The following PBX1 variants were observed in gnomAD, a reference collection of about 807,000 sequenced individuals.
PBX1 encodes PBX homeobox 1.
PBX1 carries 6 observed loss-of-function variants against 53.4 expected under a neutral mutation model. The observed-to-expected ratio is 0.11, with a 90% CI of 0.06 to 0.22. The LOEUF (loss-of-function observed/expected upper bound fraction) is 0.22. PBX1 is among the 10% of genes least tolerant of loss of function. The pLI is 1.00. For synonymous variants in PBX1, 204 were observed against 212.3 expected (o/e 0.96, Z 0.34); for missense variants, 251 against 551.4 (o/e 0.46, Z 5.46).
At chr1:164,833,558 A>G (rs540332662) in intron 8 of PBX1, among the ~76,000 whole-genome samples, 26 of 152,242 alleles carry the variant, frequency 1.7e-4, no homozygotes, top group African/African-American at 5.1e-4. Context: ...GACTGTGCCT[A>G]TGTACTACTT....
intron 2 of PBX1, among the ~76,000 whole-genome samples, chr1:164,781,382 A>G (rs1448204239): frequency 6.6e-6 from 1 of 152,150 alleles, no homozygotes; most frequent in East Asian, 1.9e-4. Context: ...CAGGCTGGTT[A>G]GAGTAAAAAC....
intron 3 of PBX1, among the ~76,000 whole-genome samples, chr1:164,793,856 C>CTTTTTTTTTTT: frequency 1.2e-5 from 1 of 84,776 alleles, no homozygotes; most frequent in Non-Finnish European, 2.4e-5. Flanking sequence ...CCTTTCTTTT[C>CTTTTTTTTTTT]TTTTTTTTTT....
At chr1:164,646,363 A>G in intron 2 of PBX1, among the ~76,000 whole-genome samples, 1 of 152,222 alleles carries the variant, frequency 6.6e-6, no homozygotes, top group East Asian at 1.9e-4. Context: ...TTACTGCATA[A>G]CTAGTTTGAT....
chr1:164,674,001 G>A (rs1208310053), intron 2 of PBX1, among the ~76,000 whole-genome samples: 1 of 152,176 alleles, frequency 6.6e-6, no homozygotes, highest in South Asian at 2.1e-4. Context: ...GCACAGAGAT[G>A]AAATGACTAT....
chr1:164,812,992 T>C (rs531720447), intron 6 of PBX1: 7 of 152,290 alleles, frequency 4.6e-5, no homozygotes, highest in African/African-American at 1.7e-4. Context: ...TTGATTAGGG[T>C]GCACAGCTAA....
At chr1:164,756,598 T>A (rs1306286373) in intron 2 of PBX1, among the ~76,000 whole-genome samples, 1 of 152,206 alleles carries the variant, frequency 6.6e-6, no homozygotes, top group Non-Finnish European at 1.5e-5. Flanking sequence ...ATTTTGGTAA[T>A]TCAGAATGGA....
intron 2 of PBX1, among the ~76,000 whole-genome samples, chr1:164,635,017 T>A (rs1658659749): frequency 6.6e-6 from 1 of 150,720 alleles, no homozygotes; most frequent in African/African-American, 2.4e-5. Flanking sequence ...GAATATTCTG[T>A]ACCTTCTTTC....
intron 2 of PBX1, among the ~76,000 whole-genome samples, chr1:164,880,326 C>T (rs908093574): frequency 5.3e-5 from 8 of 152,192 alleles, no homozygotes; most frequent in East Asian, 1.9e-4. Context: ...ATTATCAAAG[C>T]GTTCTTCATT....
chr1:164,597,514 T>A (rs995924595), intron 2 of PBX1, among the ~76,000 whole-genome samples: 1 of 152,180 alleles, frequency 6.6e-6, no homozygotes, highest in African/African-American at 2.4e-5. Context: ...TTGAAATTTG[T>A]TGGCCAAGGA....
chr1:164,881,651 A>G (rs1558058176), intron 2 of PBX1, among the ~76,000 whole-genome samples: 1 of 93,972 alleles, frequency 1.1e-5, no homozygotes, highest in African/African-American at 4.8e-5. Context: ...AAAAGTGGGG[A>G]AAAAGAGGAA....
At chr1:164,590,235 A>G (rs1174498705) in intron 2 of PBX1, 2 of 398,990 alleles carry the variant, frequency 5.0e-6, no homozygotes, top group Non-Finnish European at 9.8e-6. Context: ...GCTGGGGGTC[A>G]GGGAGCAGAT....
intron 4 of PBX1, among the ~76,000 whole-genome samples, chr1:164,805,172 A>C (rs1276630998): frequency 6.6e-6 from 1 of 152,212 alleles, no homozygotes; most frequent in African/African-American, 2.4e-5. Flanking sequence ...AAATTTCTTA[A>C]ATTCAAAACC....
intron 2 of PBX1, among the ~76,000 whole-genome samples, chr1:164,612,031 A>G (rs1656970126): frequency 6.6e-6 from 1 of 152,126 alleles, no homozygotes; most frequent in African/African-American, 2.4e-5. Context: ...CAGGATCTCA[A>G]TGAGGAAATT....
chr1:164,789,957 C>T (rs1668408199), intron 2 of PBX1, among the ~76,000 whole-genome samples: 1 of 145,724 alleles, frequency 6.9e-6, no homozygotes, highest in Non-Finnish European at 1.5e-5. Context: ...ATTAATGGCT[C>T]AGAGGCGATT....
At chr1:164,650,988 T>G (rs2101921910) in intron 2 of PBX1, among the ~76,000 whole-genome samples, 1 of 149,650 alleles carries the variant, frequency 6.7e-6, no homozygotes, top group Admixed American at 6.7e-5. Context: ...GCCTAGACCT[T>G]AAGAGGTGAG....
chr1:164,845,085 G>A (rs768389205), intron 8 of PBX1, among the ~76,000 whole-genome samples: 1 of 152,118 alleles, frequency 6.6e-6, no homozygotes, highest in Non-Finnish European at 1.5e-5. Context: ...TCAGTGAGGT[G>A]TGAACAAAAC....
At chr1:164,733,365 C>T (rs1450104736) in intron 2 of PBX1, among the ~76,000 whole-genome samples, 12 of 152,212 alleles carry the variant, frequency 7.9e-5, no homozygotes, top group Admixed American at 7.9e-4. Context: ...GACCATGGAA[C>T]CTTGGGTCCT....
intron 2 of PBX1, among the ~76,000 whole-genome samples, chr1:164,703,966 A>G (rs1454425622): frequency 6.6e-6 from 1 of 152,184 alleles, no homozygotes; most frequent in Non-Finnish European, 1.5e-5. Context: ...AGATGAGAGA[A>G]AGAGAGGGAA....
At chr1:164,619,687 AT>A (rs145298011) in intron 2 of PBX1, among the ~76,000 whole-genome samples, 1,721 of 149,160 alleles carry the variant, frequency 0.012, 23 homozygotes, top group Non-Finnish European at 0.016. Context: ...AGATACACAC[AT>A]TTTTTTTTTC....
Sources: gnomAD v4.1 joint callset for allele counts (sites outside exome capture counted in the v4.1 genomes callset) on GRCh38, gnomAD v4.1.1 for gene constraint, MANE v1.5 for transcripts, NCBI Gene and HGNC (gene_info 2026-07-23, HGNC 2026-07-21) for gene names.